The following CAP1 variants were observed in gnomAD, a reference collection of about 807,000 sequenced individuals.
CAP1 encodes the protein cyclase associated actin cytoskeleton regulatory protein 1.
CAP1 carries 11 observed loss-of-function variants against 58.2 expected under a neutral mutation model. The observed-to-expected ratio is 0.19, with a 90% confidence interval of 0.12 to 0.31. The LOEUF (loss-of-function observed/expected upper bound fraction) is 0.31, where lower values mean the gene tolerates loss of function less well. Among genes scored for constraint, CAP1 ranks in the 10% least tolerant of loss-of-function variants. CAP1 has a pLI of 1.00. For missense variants in CAP1, 423 were observed against 587.5 expected, an observed-to-expected ratio of 0.72 and a Z score of 2.89; for synonymous variants, 183 against 213.8, an observed-to-expected ratio of 0.86 and a Z score of 1.26.
At position 40,064,545 on chromosome 1, in the gene CAP1, A is replaced by G. The variant is rs2124392413; in HGVS notation, c.510A>G (p.Lys170=). ...AAMFYTNRVL[K]EYKDVDKKHV... ...TGTTTTATACAAACCGAGTCCTCAA[A>G]GAGTACAAAGATGTGTAAGTTCAGC... The change falls in exon 6 of 13, where the codon AAA becomes AAG. Residue 170 remains lysine (K), a synonymous_variant. Transcript: ENST00000372805. The G allele has an allele frequency of 2.5e-6, 4 of 1,612,434 alleles. No individual in the cohort carries two copies. Among genetic ancestry groups the G allele is most frequent in the Middle Eastern group, 1.8e-4 (1 of 5,552 alleles).
intron 1 of CAP1, among the ~76,000 whole-genome samples, chr1:40,055,303 C>T (rs946051405): frequency 1.7e-4 from 26 of 151,480 alleles, no homozygotes; most frequent in East Asian, 3.9e-4. Context: ...TTACCCTGAA[C>T]GCTCTGGGGT....
chr1:40,052,517 T>C (rs1646421996), intron 1 of CAP1, among the ~76,000 whole-genome samples: 1 of 152,146 alleles, frequency 6.6e-6, no homozygotes, highest in Non-Finnish European at 1.5e-5. Flanking sequence ...GACATACAGT[T>C]CTCTGCTCTG....
intron 1 of CAP1, among the ~76,000 whole-genome samples, chr1:40,045,554 CTTTTGTT>C (rs1170781736): frequency 2.0e-5 from 3 of 151,972 alleles, no homozygotes; most frequent in African/African-American, 2.4e-5. Flanking sequence ...CTTTTTCTTT[CTTTTGTT>C]TTTTGTTTTT....
intron 1 of CAP1, among the ~76,000 whole-genome samples, chr1:40,052,833 G>A (rs1289566157): frequency 1.3e-5 from 2 of 150,334 alleles, no homozygotes; most frequent in Non-Finnish European, 3.0e-5. Flanking sequence ...GCTCACGCCT[G>A]TAATCCCAGC....
At chr1:40,058,596 G>A (rs143487208) in intron 1 of CAP1, among the ~76,000 whole-genome samples, 9 of 151,960 alleles carry the variant, frequency 5.9e-5, no homozygotes, top group Middle Eastern at 3.4e-3. Flanking sequence ...GCATGGTGGC[G>A]CACACCTATA....
rs1646755045 is a variant in CAP1 at position 40,059,452 on chromosome 1, T to G, written c.106T>G (p.Ser36Ala). 1.3e-6 allele frequency: 2 copies of G among 1,598,000 alleles called. No individual in the cohort carries two copies. The highest frequency in any genetic ancestry group is 3.3e-5 in the Admixed American group (2 of 59,964). The change falls in exon 2 of 13, where the codon TCA becomes GCA. Residue 36 changes from serine (S) to alanine (A), a missense_variant. By Grantham distance (99) the Ser-to-Ala change is moderately conservative. Transcript: ENST00000372805. The stretch of plus-strand genomic sequence containing the variant: ...GCACCGTGGGTATGCAGACAGTCCT[T>G]CAAAAGGTAAGCAGTCCACAGCCCA... ...DMHRGYADSP[S>A]KAGAAPYVQA...
chr1:40,070,618 C>T, intron 11 of CAP1, 106 bp downstream of exon 11: 1 of 1,075,186 alleles, frequency 9.3e-7, no homozygotes, highest in Non-Finnish European at 1.4e-6. Flanking sequence ...TCTACAAAGT[C>T]TGTAAGCTGA....
chr1:40,069,666 A>T lies in CAP1; in HGVS notation c.809-24A>T, dbSNP rs1220185752. The T allele has an allele frequency of 1.9e-6, 3 of 1,604,488 alleles. 1 individual carries two copies. The South Asian group carries it at 3.3e-5, about 18-fold the overall frequency. On this transcript the variant is annotated intron_variant, in intron 8 of 12. Transcript: ENST00000372805. Reference sequence around the variant, plus strand: ...CAAAGGTCTGGTATGAAGGACAGGAACAAGGTAGCTGTTGTTCTTACAGCC... The same window carrying T: ...CAAAGGTCTGGTATGAAGGACAGGATCAAGGTAGCTGTTGTTCTTACAGCC...
intron 1 of CAP1, among the ~76,000 whole-genome samples, chr1:40,056,730 A>G (rs1210656191): frequency 2.6e-5 from 4 of 152,164 alleles, no homozygotes; most frequent in Non-Finnish European, 2.9e-5. Context: ...AAGGGTAGTC[A>G]GAGGCTTTAG....
At chr1:40,071,355 T>C (rs1382943447) in intron 12 of CAP1, 95 bp from the exon 13 acceptor site, 4 of 845,614 alleles carry the variant, frequency 4.7e-6, no homozygotes, top group Non-Finnish European at 3.9e-6. Flanking sequence ...GCTCCTGGGG[T>C]TAAGTGGAAG....
At chr1:40,061,668 A>G (rs1646856766) in intron 3 of CAP1, 67 bp from the exon 4 acceptor site, 12 of 1,275,790 alleles carry the variant, frequency 9.4e-6, no homozygotes, top group Non-Finnish European at 1.4e-5. Context: ...TAGAGGTTTC[A>G]GGTTATTCTT....
At chr1:40,068,419 C>T (rs879558333) in intron 8 of CAP1, among the ~76,000 whole-genome samples, 8 of 151,706 alleles carry the variant, frequency 5.3e-5, no homozygotes, top group Admixed American at 1.3e-4. Context: ...TACAGCCATG[C>T]GTCACCATGC....
intron 7 of CAP1, among the ~76,000 whole-genome samples, chr1:40,066,566 G>A (rs1256949489): frequency 6.6e-6 from 1 of 152,182 alleles, no homozygotes; most frequent in Non-Finnish European, 1.5e-5. Flanking sequence ...GATTGGTGCT[G>A]GAGCAGGAGA....
At chr1:40,060,247 G>GT (rs1354167944) in intron 3 of CAP1, 77 bp downstream of exon 3, 2 of 1,017,964 alleles carry the variant, frequency 2.0e-6, no homozygotes. Context: ...CTCATCCTTG[G>GT]TTTAAGAGCT....
chr1:40,055,269 A>G (rs1049820501), intron 1 of CAP1, among the ~76,000 whole-genome samples: 2 of 152,186 alleles, frequency 1.3e-5, no homozygotes, highest in African/African-American at 4.8e-5. Context: ...GCAGGACTAG[A>G]TGAGAGAAAC....
chr1:40,051,579 G>GT (rs941352010), intron 1 of CAP1, among the ~76,000 whole-genome samples: 13 of 151,948 alleles, frequency 8.6e-5, no homozygotes, highest in South Asian at 2.1e-4. Context: ...TTTTTGTTTT[G>GT]TTTTTTTGTT....
chr1:40,068,009 G>A (rs1336668084), intron 8 of CAP1, among the ~76,000 whole-genome samples: 2 of 152,216 alleles, frequency 1.3e-5, no homozygotes, highest in South Asian at 2.1e-4. Flanking sequence ...AGCTTTTTCC[G>A]TGGCACCACA....
chr1:40,071,331 C>T, intron 12 of CAP1, 119 bp from the exon 13 acceptor site: 1 of 692,044 alleles, frequency 1.4e-6, no homozygotes, highest in Non-Finnish European at 2.5e-6. Context: ...TTGTCTCTTG[C>T]TACATTGTAC....
At chr1:40,053,680 C>T (rs1481239295) in intron 1 of CAP1, among the ~76,000 whole-genome samples, 1 of 152,172 alleles carries the variant, frequency 6.6e-6, no homozygotes, top group African/African-American at 2.4e-5. Flanking sequence ...CTCCCGACCT[C>T]AGGTGACCCA....
Sources: gnomAD v4.1 joint callset for allele counts (sites outside exome capture counted in the v4.1 genomes callset) on GRCh38, gnomAD v4.1.1 for gene constraint, MANE v1.5 for transcripts, NCBI Gene and HGNC (gene_info 2026-07-23, HGNC 2026-07-21) for gene names.